The following REXO5 variants were observed in gnomAD, a reference collection of about 807,000 sequenced individuals.
REXO5 encodes the protein exonuclease NEF-sp.
REXO5 carries 48 observed loss-of-function variants against 88.5 expected under a neutral mutation model. The ratio of observed to expected loss-of-function variants is 0.54; its 90% CI spans 0.43 to 0.69. The LOEUF is 0.69. Among genes scored for constraint, REXO5 ranks in the 30% least tolerant of loss-of-function variants. The pLI is 0.00. For synonymous variants in REXO5, 311 were observed against 336.5 expected (o/e 0.92, Z 0.83); for missense variants, 749 against 912.2 (o/e 0.82, Z 2.30).
intron 11 of REXO5, among the ~76,000 whole-genome samples, chr16:20,830,037 T>C (rs1032383517): frequency 3.3e-5 from 5 of 152,230 alleles, no homozygotes; most frequent in Non-Finnish European, 5.9e-5. Flanking sequence ...AAATATGTAT[T>C]GGTGTCTGCT....
chr16:20,808,612 ATTTTTTT>A (rs751042762), intron 2 of REXO5, among the ~76,000 whole-genome samples: 2 of 108,422 alleles, frequency 1.8e-5, no homozygotes, highest in African/African-American at 7.2e-5. Flanking sequence ...TAGGGATGTG[ATTTTTTT>A]TTTTTTTTTT....
intron 13 of REXO5, among the ~76,000 whole-genome samples, chr16:20,836,106 T>A (rs1376453408): frequency 6.6e-6 from 1 of 152,094 alleles, no homozygotes; most frequent in Admixed American, 6.5e-5. Context: ...CTTCCACCAT[T>A]ATCAACAACC....
intron 2 of REXO5, among the ~76,000 whole-genome samples, chr16:20,807,977 G>A (rs1459051345): frequency 2.0e-5 from 3 of 152,144 alleles, no homozygotes; most frequent in Non-Finnish European, 4.4e-5. Context: ...GGAGGTGAGC[G>A]GTGGCCGATA....
chr16:20,835,739 T>A (rs1045205234), intron 13 of REXO5, among the ~76,000 whole-genome samples: 2 of 152,068 alleles, frequency 1.3e-5, no homozygotes, highest in African/African-American at 2.4e-5. Context: ...AGTTTTAGGT[T>A]CACAACAATA....
At position 20,821,839 on chromosome 16, in the gene REXO5, G is replaced by A. The variant is rs762689288; in HGVS notation, c.553G>A (p.Val185Met). 21 of 1,608,312 alleles carry A rather than the reference G, an allele frequency of 1.3e-5. No individual in the cohort carries two copies. The highest frequency in any genetic ancestry group is 1.7e-5 in the Admixed American group (1 of 58,288). Residue 185 changes from valine to methionine, a missense_variant, in exon 6 of 20, where the codon GTG (valine) becomes ATG (methionine). By Grantham distance (21) the Val-to-Met change is conservative. Coordinates refer to ENST00000261377, the MANE Select transcript of REXO5 (RefSeq NM_030941.3). ...PIIQKYGSKK[V>M]GLTRCLLTKE... ...CATTCAAAAGTATGGCTCTAAGAAA[G>A]TGGGCTTGACCAGATGCCTTCTGAC...
At chr16:20,842,376 T>C (rs1195879904) in intron 15 of REXO5, among the ~76,000 whole-genome samples, 1 of 152,238 alleles carries the variant, frequency 6.6e-6, no homozygotes, top group Non-Finnish European at 1.5e-5. Context: ...TAGAATTTCA[T>C]TTTCAAGGCA....
chr16:20,835,574 G>T (rs937133694), intron 13 of REXO5, among the ~76,000 whole-genome samples: 4 of 151,636 alleles, frequency 2.6e-5, no homozygotes, highest in African/African-American at 9.7e-5. Context: ...AGATCTATCG[G>T]TTTCCTATCT....
chr16:20,846,497 A>G (rs1423132810), intron 19 of REXO5, among the ~76,000 whole-genome samples, 158 bp downstream of exon 19: 2 of 152,220 alleles, frequency 1.3e-5, no homozygotes, highest in Admixed American at 6.5e-5. Context: ...TTGTATTCCC[A>G]TTTCACATTT....
chr16:20,807,673 G>A (rs1208758642), intron 2 of REXO5, among the ~76,000 whole-genome samples: 1 of 151,148 alleles, frequency 6.6e-6, no homozygotes, highest in African/African-American at 2.4e-5. Flanking sequence ...AGGCCAAGGC[G>A]GGAGCATCAT....
Position 20,834,149 on chromosome 16 carries a change from A to AT in REXO5, c.1383+1028dup, listed in dbSNP as rs142198595. On this transcript the variant is annotated intron_variant, in intron 13 of 19. Coordinates refer to ENST00000261377, the MANE Select transcript of REXO5 (RefSeq NM_030941.3). ...GGTGTTTGCTCATGATTAAATTCAG[A>AT]TTATGCATTCTTAGCCAAATTTCTT... Among the ~76,000 whole-genome samples the AT allele has an allele frequency of 2.2e-3, 337 of 152,218 alleles. 3 individuals carry two copies. Among genetic ancestry groups the AT allele is most frequent in the South Asian group, 0.011 (54 of 4,822 alleles).
chr16:20,834,754 C>T (rs1258628350), intron 13 of REXO5, among the ~76,000 whole-genome samples: 3 of 152,084 alleles, frequency 2.0e-5, no homozygotes, highest in Non-Finnish European at 4.4e-5. Context: ...ATCCAGTGTA[C>T]TTTCACCTCA....
chr16:20,828,316 G>A, intron 10 of REXO5, 119 bp from the exon 11 acceptor site: 1 of 652,254 alleles, frequency 1.5e-6, no homozygotes, highest in South Asian at 1.9e-5. Context: ...TGATTTTTGT[G>A]ATGCAAATCT....
Position 20,813,236 on chromosome 16 carries a change from C to T in REXO5, c.185C>T (p.Thr62Ile), listed in dbSNP as rs1299167569. Residue 62 changes from threonine (T) to isoleucine (I), a missense_variant, in exon 3 of 20, where the codon ACC (threonine) becomes ATC (isoleucine). Physicochemically the swap from Thr to Ile is moderately conservative, Grantham distance 89. Coordinates refer to ENST00000261377, the MANE Select transcript of REXO5 (RefSeq NM_030941.3). ...TTATTTACTGACAACTGTGAAGTAA[C>T]CCATGACCAGCTGTGTGAATTGCTG... ...TILFTDNCEV[T>I]HDQLCELLKY... The T allele has an allele frequency of 3.7e-6, 6 of 1,613,926 alleles. No homozygotes were observed. Among genetic ancestry groups the T allele is most frequent in the African/African-American group, 1.3e-5 (1 of 74,900 alleles).
intron 2 of REXO5, chr16:20,808,918 G>T (rs2097777): frequency 0.086 from 12,643 of 147,610 alleles, 580 homozygotes; most frequent in East Asian, 0.13. Context: ...TTTTTCGTTT[G>T]TTTTTTTTTA....
intron 5 of REXO5, among the ~76,000 whole-genome samples, chr16:20,820,291 G>C (rs1596577631): frequency 6.6e-6 from 1 of 151,670 alleles, no homozygotes; most frequent in South Asian, 2.1e-4. Flanking sequence ...GTCTTGCCTG[G>C]AATGTCCTCT....
rs994731986 is a variant in REXO5 at position 20,845,086 on chromosome 16, C to T, written c.1969C>T (p.Leu657Phe). Residue 657 changes from leucine (L) to phenylalanine (F), a missense_variant, in exon 18 of 20, where the codon CTC (leucine) becomes TTC (phenylalanine). Physicochemically the swap from Leu to Phe is conservative, Grantham distance 22. Coordinates refer to ENST00000261377, the MANE Select transcript of REXO5 (RefSeq NM_030941.3). ...AAGTTTTGGCAGTGCCCAGCAGGCCCTCAACATTCTCACAGGCAAGGACTG... is the reference window on the plus strand; with the variant it reads ...AAGTTTTGGCAGTGCCCAGCAGGCCTTCAACATTCTCACAGGCAAGGACTG... The part of the protein sequence containing the change: ...FKSFGSAQQA[L>F]NILTGKDWKL... The T allele has an allele frequency of 1.2e-6, 2 of 1,614,108 alleles. No individual in the cohort carries two copies. Among genetic ancestry groups the T allele is most frequent in the Non-Finnish European group, 1.7e-6 (2 of 1,180,000 alleles).
intron 6 of REXO5, chr16:20,823,353 AC>A (rs1462391502): frequency 6.6e-6 from 1 of 152,172 alleles, no homozygotes; most frequent in African/African-American, 2.4e-5. Context: ...GCCTTTTTGT[AC>A]ATTAACTGGC....
At position 20,807,084 on chromosome 16, in the gene REXO5, A is replaced by G. The variant is rs746692862; in HGVS notation, c.131A>G (p.Glu44Gly). 6.2e-7 allele frequency: 1 copy of G among 1,603,112 alleles called. No homozygotes were observed. Among genetic ancestry groups the G allele is most frequent in the Admixed American group, 1.7e-5 (1 of 58,094 alleles). ...TGGGATCTCGAGGAGAGTCAGCCCG[A>G]GGCCAAGGTGAGCAACGGGGATCCC... Reference protein sequence around the residue: ...AGWDLEESQPEAKKARLSTIL... With the variant: ...AGWDLEESQPGAKKARLSTIL... Residue 44 changes from glutamate (E) to glycine (G), a missense_variant, in exon 2 of 20, where the codon GAG (glutamate) becomes GGG (glycine). Physicochemically the swap from Glu to Gly is moderately conservative, Grantham distance 98. Coordinates refer to ENST00000261377, the MANE Select transcript of REXO5 (RefSeq NM_030941.3).
At chr16:20,836,048 A>G (rs545286157) in intron 13 of REXO5, among the ~76,000 whole-genome samples, 41 of 152,246 alleles carry the variant, frequency 2.7e-4, no homozygotes, top group African/African-American at 9.4e-4. Context: ...CAAAAAAAAG[A>G]AAGTACAGAG....
Sources: gnomAD v4.1 joint callset for allele counts (sites outside exome capture counted in the v4.1 genomes callset) on GRCh38, gnomAD v4.1.1 for gene constraint, MANE v1.5 for transcripts, NCBI Gene and HGNC (gene_info 2026-07-23, HGNC 2026-07-21) for gene names.